Variants in TCF20 observed in about 807,000 individuals in gnomAD.
The protein encoded by TCF20 is transcription factor 20.
In TCF20, 3 loss-of-function variants were observed where a neutral mutation model predicts 148.6. The observed-to-expected ratio is 0.02, with a 90% CI of 0.01 to 0.05. The LOEUF (loss-of-function observed/expected upper bound fraction) is 0.05, where lower values mean the gene tolerates loss of function less well. TCF20 is among the 10% of genes least tolerant of loss of function. The pLI, the probability that TCF20 is intolerant of heterozygous loss-of-function variation, is 1.00. For synonymous variants in TCF20, 1,049 were observed against 909.5 expected (o/e 1.15, Z -2.76); for missense variants, 2,350 against 2,429.3 (o/e 0.97, Z 0.69).
chr22:42,272,133 C>T (rs1926644176), upstream of TCF20, among the ~76,000 whole-genome samples: 1 of 152,234 alleles, frequency 6.6e-6, no homozygotes, highest in Non-Finnish European at 1.5e-5. Flanking sequence ...CTCCTGCATG[C>T]CAGGCTCTTC....
chr22:42,310,815 G>C (rs1218981488), intron 1 of TCF20, among the ~76,000 whole-genome samples: 1 of 152,202 alleles, frequency 6.6e-6, no homozygotes, highest in Non-Finnish European at 1.5e-5. Context: ...GGTTTAAGGA[G>C]GCCACTCTGA....
In TCF20 at chr22:42,213,527, G is replaced by A. The variant is rs747973136; in HGVS notation, c.1779C>T (p.Ser593=). 1.2e-4 allele frequency: 197 copies of A among 1,614,134 alleles called. No individual in the cohort carries two copies. In the Middle Eastern group the frequency reaches 3.8e-3, roughly 31 times the overall value. ...TCTCATTAACCTTTGGGTTCCCGTC[G>A]GATGACAATGGCATGTCCTTAGCGC... ...SPGAKDMPLS[S]DGNPKVNEKT... The change falls in exon 2 of 6, where the codon TCC becomes TCT. Residue 593 remains serine, a synonymous_variant. Transcript: ENST00000677622.
chr22:42,293,491 A>G (rs920065696), intron 1 of TCF20, among the ~76,000 whole-genome samples: 1 of 152,208 alleles, frequency 6.6e-6, no homozygotes, highest in African/African-American at 2.4e-5. Flanking sequence ...TCCACAAATG[A>G]GAGTCTGAGG....
chr22:42,291,095 T>A (rs1455529958), intron 1 of TCF20, among the ~76,000 whole-genome samples: 1 of 152,140 alleles, frequency 6.6e-6, no homozygotes, highest in Non-Finnish European at 1.5e-5. Context: ...CCATGCCCCA[T>A]CCTTCCCGTC....
chr22:42,164,568 T>C (rs932190321), intron 5 of TCF20, among the ~76,000 whole-genome samples: 2 of 152,200 alleles, frequency 1.3e-5, no homozygotes, highest in Non-Finnish European at 2.9e-5. Flanking sequence ...GGCACTAGCA[T>C]AGTTACATGC....
intron 1 of TCF20, among the ~76,000 whole-genome samples, chr22:42,254,076 CAAAAAA>C (rs528387021): frequency 5.1e-3 from 272 of 53,594 alleles, no homozygotes; most frequent in Middle Eastern, 0.028. Context: ...AACTCCCTTT[CAAAAAA>C]AAAAAAAAAA....
At chr22:42,191,829 AAGC>A (rs542108836) in intron 2 of TCF20, among the ~76,000 whole-genome samples, 113 of 152,342 alleles carry the variant, frequency 7.4e-4, no homozygotes, top group African/African-American at 2.5e-3. Flanking sequence ...CTCTGAATAA[AAGC>A]AGAGAACCTG....
At chr22:42,311,655 T>C (rs1163400818) in intron 1 of TCF20, among the ~76,000 whole-genome samples, 1 of 152,156 alleles carries the variant, frequency 6.6e-6, no homozygotes, top group East Asian at 1.9e-4. Context: ...CTGGGAAACC[T>C]GCTAGCGGTG....
Position 42,229,677 on chromosome 22 carries a change from C to T in TCF20, c.-36-14336G>A, listed in dbSNP as rs577933816. On this transcript the variant is annotated intron_variant, in intron 1 of 5. Transcript: ENST00000677622. Reference sequence around the variant, plus strand: ...CACCACTCCACACAGACCATGCGCTCCGACCTCTTGATTTGTGCTTGGCCT... The same window carrying T: ...CACCACTCCACACAGACCATGCGCTTCGACCTCTTGATTTGTGCTTGGCCT... 1.2e-4 allele frequency among the ~76,000 whole-genome samples: 19 copies of T among 152,298 alleles called. No individual in the cohort carries two copies. In the South Asian group the frequency reaches 3.9e-3, roughly 32 times the overall value.
intron 2 of TCF20, among the ~76,000 whole-genome samples, chr22:42,209,377 C>CT (rs1290354865): frequency 6.6e-6 from 1 of 152,136 alleles, no homozygotes; most frequent in African/African-American, 2.4e-5. Flanking sequence ...AATAAATATC[C>CT]TAACTGGAAA....
intron 1 of TCF20, among the ~76,000 whole-genome samples, chr22:42,298,363 C>T (rs1452529814): frequency 6.6e-6 from 1 of 152,186 alleles, no homozygotes; most frequent in Non-Finnish European, 1.5e-5. Flanking sequence ...GTTGGGGCAC[C>T]CATTGGGTGT....
At chr22:42,273,221 G>A (rs539449309), upstream of TCF20, among the ~76,000 whole-genome samples, 12 of 151,844 alleles carry the variant, frequency 7.9e-5, no homozygotes, top group East Asian at 1.9e-3. Context: ...TTAGCTGGGC[G>A]TGGTGGCGGG....
At chr22:42,238,132 C>G (rs1252623422) in intron 1 of TCF20, among the ~76,000 whole-genome samples, 1 of 152,246 alleles carries the variant, frequency 6.6e-6, no homozygotes, top group Non-Finnish European at 1.5e-5. Flanking sequence ...TAGCCACCTT[C>G]ATCAGTGATC....
chr22:42,332,891 C>T (rs889000517), intron 1 of TCF20, among the ~76,000 whole-genome samples: 2 of 152,150 alleles, frequency 1.3e-5, no homozygotes, highest in Non-Finnish European at 2.9e-5. Context: ...TGTCAGATGC[C>T]AGGAGTGGGG....
intron 3 of TCF20, among the ~76,000 whole-genome samples, chr22:42,177,918 G>A (rs1936542770): frequency 6.6e-6 from 1 of 152,106 alleles, no homozygotes; most frequent in Non-Finnish European, 1.5e-5. Context: ...ACTCTTGGTG[G>A]TTCCTGGATG....
chr22:42,217,618 A>G (rs1921943126), intron 1 of TCF20, among the ~76,000 whole-genome samples: 1 of 152,220 alleles, frequency 6.6e-6, no homozygotes, highest in Admixed American at 6.5e-5. Context: ...GCCTTAGAGA[A>G]CTAGGCTAGA....
intron 2 of TCF20, among the ~76,000 whole-genome samples, chr22:42,193,460 T>C (rs974106848): frequency 7.2e-5 from 11 of 151,870 alleles, no homozygotes; most frequent in African/African-American, 2.7e-4. Flanking sequence ...ACTTCCTTAG[T>C]AGCTGGGACC....
chr22:42,227,300 T>C (rs1161483471), intron 1 of TCF20, among the ~76,000 whole-genome samples: 1 of 152,154 alleles, frequency 6.6e-6, no homozygotes, highest in African/African-American at 2.4e-5. Flanking sequence ...AATTTTAAAT[T>C]ACTTCAAATG....
intron 2 of TCF20, among the ~76,000 whole-genome samples, chr22:42,186,237 A>G (rs999361971): frequency 6.6e-6 from 1 of 152,228 alleles, no homozygotes; most frequent in Non-Finnish European, 1.5e-5. Context: ...GCACAGGGCT[A>G]CTGGAGAAAA....
Sources: allele counts gnomAD v4.1 joint callset (sites outside exome capture counted in the v4.1 genomes callset), GRCh38; gene constraint gnomAD v4.1.1; transcripts MANE v1.5; gene names NCBI Gene and HGNC (gene_info 2026-07-23, HGNC 2026-07-21).